Variants in HSPA4 observed in about 807,000 individuals in gnomAD.
HSPA4 encodes the protein heat shock 70 kDa protein 4.
A neutral mutation model predicts 106.2 loss-of-function variants in HSPA4; 25 were observed. The observed-to-expected ratio is 0.24, with a 90% confidence interval of 0.17 to 0.33. The LOEUF (loss-of-function observed/expected upper bound fraction) is 0.33, where lower values mean the gene tolerates loss of function less well. Among genes scored for constraint, HSPA4 ranks in the 10% least tolerant of loss-of-function variants. The pLI is 1.00. For synonymous variants in HSPA4, 332 were observed against 333.6 expected (o/e 1.00, Z 0.05); for missense variants, 841 against 996.0 (o/e 0.84, Z 2.10).
chr5:133,104,019 A>C lies in HSPA4; in HGVS notation c.2312A>C (p.Lys771Thr). ...PVVKSKEIEA[K>T]IKELTSTCSP... ...GTCAAGTCAAAAGAGATTGAAGCTA[A>C]AATTAAGGTAATTTAAGACTTTTTT... The change falls in exon 18 of 19, where the codon AAA (lysine) becomes ACA (threonine). Residue 771 changes from lysine to threonine, a missense_variant. This residue lies in a region of HSPA4 where 328 missense variants were observed against 372.2 expected (regional missense o/e 0.88). Coordinates refer to ENST00000304858, the MANE Select transcript of HSPA4 (RefSeq NM_002154.4). 3.1e-6 allele frequency: 5 copies of C among 1,609,714 alleles called. No individual in the cohort carries two copies. The highest frequency in any genetic ancestry group is 4.2e-6 in the Non-Finnish European group (5 of 1,178,796).
chr5:133,073,698 G>T (rs1174435635), intron 5 of HSPA4, among the ~76,000 whole-genome samples: 1 of 152,160 alleles, frequency 6.6e-6, no homozygotes, highest in Non-Finnish European at 1.5e-5. Context: ...TGTTAACATA[G>T]CATAGGGGTA....
intron 13 of HSPA4, among the ~76,000 whole-genome samples, chr5:133,093,694 T>A (rs919185125): frequency 1.3e-5 from 2 of 151,962 alleles, no homozygotes; most frequent in African/African-American, 4.8e-5. Context: ...TTTCTCCATG[T>A]TGGCCAGGCT....
chr5:133,063,065 C>T (rs1007423293), intron 1 of HSPA4, among the ~76,000 whole-genome samples: 1 of 152,070 alleles, frequency 6.6e-6, no homozygotes, highest in Non-Finnish European at 1.5e-5. Flanking sequence ...TCATTGCTTT[C>T]AGGTTGCATG....
At position 133,052,103 on chromosome 5, in the gene HSPA4, G is replaced by A. The variant is rs946200254; in HGVS notation, c.-148G>A. ...AGCGCTCTCGGTTGCAGTACCCACT[G>A]GAAGGACTTAGGCGCTCGCGTGGAC... On this transcript the variant is annotated 5_prime_UTR_variant, in exon 1 of 19. Transcript: ENST00000304858. The A allele has an allele frequency of 1.3e-5, 8 of 601,234 alleles. No individual in the cohort carries two copies. The highest frequency in any genetic ancestry group is 5.9e-5 in the East Asian group (2 of 33,720). 37.2% of individuals were successfully genotyped at this position (601,234 alleles called of 1,614,324 possible). A position where few individuals can be genotyped will look rare whatever the true frequency, so the allele number is the denominator to read the frequency against.
At chr5:133,068,130 G>A (rs1765332664) in intron 3 of HSPA4, among the ~76,000 whole-genome samples, 1 of 152,062 alleles carries the variant, frequency 6.6e-6, no homozygotes, top group South Asian at 2.1e-4. Flanking sequence ...CTGACCTTGT[G>A]ATTCCCCTGC....
In HSPA4 at chr5:133,089,599, T is replaced by G; in HGVS notation, c.1282T>G (p.Phe428Val). 1 of 1,613,304 alleles carries G rather than the reference T, an allele frequency of 6.2e-7. No individual in the cohort carries two copies. Among genetic ancestry groups the G allele is most frequent in the Non-Finnish European group, 8.5e-7 (1 of 1,179,290 alleles). Residue 428 changes from phenylalanine (F) to valine (V), a missense_variant, in exon 11 of 19, where the codon TTC becomes GTC. Around this residue, in one of 5 missense-constraint regions of HSPA4, gnomAD observed 162 missense variants for 177.7 expected, o/e 0.91. Transcript: ENST00000304858. Reference protein sequence around the residue: ...EVFSKNHAAPFSKVLTFYRKE... With the variant: ...EVFSKNHAAPVSKVLTFYRKE... ...CTTTTCCAAAAATCATGCTGCTCCTTTCTCTAAAGTTCTTACATTTTATAG... is the reference window on the plus strand; with the variant it reads ...CTTTTCCAAAAATCATGCTGCTCCTGTCTCTAAAGTTCTTACATTTTATAG...
intron 1 of HSPA4, among the ~76,000 whole-genome samples, chr5:133,057,269 G>A (rs1765176868): frequency 6.6e-6 from 1 of 151,732 alleles, no homozygotes; most frequent in Non-Finnish European, 1.5e-5. Context: ...TAATTATTGC[G>A]GTTTCTCTGA....
At position 133,080,417 on chromosome 5, in the gene HSPA4, C is replaced by CAAA. The variant is rs33998797; in HGVS notation, c.908+3541_908+3543dup. Among the ~76,000 whole-genome samples, 149 of 68,052 alleles carry CAAA rather than the reference C, an allele frequency of 2.2e-3. 1 individual carries two copies. Among genetic ancestry groups the CAAA allele is most frequent in the African/African-American group, 5.5e-3 (102 of 18,436 alleles). 44.6% of individuals were successfully genotyped at this position (68,052 alleles called of 152,430 possible). On this transcript the variant is annotated intron_variant, in intron 7 of 18. Coordinates refer to ENST00000304858, the MANE Select transcript of HSPA4 (RefSeq NM_002154.4). Reference sequence around the variant, plus strand: ...GGGTGATGAGAGTGAGACCCTGTCTCAAAAAAAAAAAAAAAAAAAAAAAAC... The same window carrying CAAA: ...GGGTGATGAGAGTGAGACCCTGTCTCAAAAAAAAAAAAAAAAAAAAAAAAAAAC...
At chr5:133,052,423 C>T (rs532990317) in intron 1 of HSPA4, 66 bp downstream of exon 1, 17 of 1,118,276 alleles carry the variant, frequency 1.5e-5, no homozygotes, top group Middle Eastern at 2.2e-4. Flanking sequence ...CAGTCTGGGA[C>T]CCTCGCTGCT....
intron 1 of HSPA4, among the ~76,000 whole-genome samples, chr5:133,062,434 G>A (rs1765255953): frequency 6.6e-6 from 1 of 152,164 alleles, no homozygotes; most frequent in South Asian, 2.1e-4. Context: ...TAGAAAGATG[G>A]AGGTGTGCCA....
intron 17 of HSPA4, 81 bp from the exon 18 acceptor site, chr5:133,103,784 A>G: frequency 8.6e-7 from 1 of 1,162,318 alleles, no homozygotes; most frequent in East Asian, 2.4e-5. Context: ...AGTTTTTGAA[A>G]AATGGCAGAA....
In HSPA4 at chr5:133,089,632, C is replaced by G. The variant is rs528427331; in HGVS notation, c.1315C>G (p.Pro439Ala). 1.9e-6 allele frequency: 3 copies of G among 1,612,232 alleles called. No individual in the cohort carries two copies. Among genetic ancestry groups the G allele is most frequent in the African/African-American group, 2.7e-5 (2 of 74,912 alleles). Residue 439 changes from proline to alanine, a missense_variant, in exon 11 of 19, where the codon CCT becomes GCT. This residue lies in a region of HSPA4 where 162 missense variants were observed against 177.7 expected (regional missense o/e 0.91). Transcript: ENST00000304858. ...SKVLTFYRKE[P>A]FTLEAYYSSP... Reference sequence around the variant, plus strand: ...AGTTCTTACATTTTATAGAAAGGAACCTTTCACTCTTGAGGCCTACTACAG... The same window carrying G: ...AGTTCTTACATTTTATAGAAAGGAAGCTTTCACTCTTGAGGCCTACTACAG...
intron 6 of HSPA4, among the ~76,000 whole-genome samples, chr5:133,074,501 C>G (rs1228545699): frequency 6.6e-6 from 1 of 152,180 alleles, no homozygotes; most frequent in African/African-American, 2.4e-5. Context: ...TGGTCTCGAA[C>G]TCCCGACCTG....
intron 1 of HSPA4, among the ~76,000 whole-genome samples, chr5:133,054,082 C>A (rs185645623): frequency 1.3e-5 from 2 of 152,202 alleles, no homozygotes; most frequent in Admixed American, 1.3e-4. Flanking sequence ...GTCAAATTTC[C>A]GCACCCCCCA....
chr5:133,093,938 C>G (rs373532985), intron 13 of HSPA4, among the ~76,000 whole-genome samples: 34 of 152,038 alleles, frequency 2.2e-4, no homozygotes, highest in African/African-American at 8.2e-4. Flanking sequence ...ACTAAAAATA[C>G]AAAATTTATC....
Position 133,104,391 on chromosome 5 carries a change from G to T in HSPA4, c.2478G>T (p.Val826=). ...CTGAGCAGGGTACAGACACAGCTGTGCCTTCGGATTCAGACAAGAAGCTTC... is the reference window on the plus strand; with the variant it reads ...CTGAGCAGGGTACAGACACAGCTGTTCCTTCGGATTCAGACAAGAAGCTTC... The part of the protein sequence containing the change: ...QAAEQGTDTA[V]PSDSDKKLPE... Residue 826 remains valine (V), a synonymous_variant, in exon 19 of 19, where the codon GTG becomes GTT. Coordinates refer to ENST00000304858, the MANE Select transcript of HSPA4 (RefSeq NM_002154.4). 1 of 1,614,158 alleles carries T rather than the reference G, an allele frequency of 6.2e-7. No homozygotes were observed. The highest frequency in any genetic ancestry group is 8.5e-7 in the Non-Finnish European group (1 of 1,180,022).
At chr5:133,068,722 T>TAA (rs1765343484) in intron 3 of HSPA4, among the ~76,000 whole-genome samples, 1 of 151,952 alleles carries the variant, frequency 6.6e-6, no homozygotes, top group Non-Finnish European at 1.5e-5. Flanking sequence ...AGAAAGGGGT[T>TAA]AAAAAGGGAG....
chr5:133,096,322 T>C (rs1395394688), intron 14 of HSPA4, 72 bp downstream of exon 14: 4 of 1,410,600 alleles, frequency 2.8e-6, no homozygotes, highest in Non-Finnish European at 3.9e-6. Context: ...ACTCTGTGTC[T>C]AGTGACTTTT....
intron 7 of HSPA4, among the ~76,000 whole-genome samples, chr5:133,082,902 G>C (rs955915981): frequency 6.6e-6 from 1 of 152,130 alleles, no homozygotes; most frequent in East Asian, 1.9e-4. Flanking sequence ...TTGGGAGGCT[G>C]AGGTGGGTGG....
Sources: gnomAD v4.1 joint callset for allele counts (sites outside exome capture counted in the v4.1 genomes callset) on GRCh38, gnomAD v4.1.1 for gene constraint, gnomAD v4.1.1 regional missense constraint, MANE v1.5 for transcripts, NCBI Gene and HGNC (gene_info 2026-07-23, HGNC 2026-07-21) for gene names.